RBFOX1: variants seen among roughly 807,000 people sequenced by gnomAD.
RBFOX1 encodes RNA binding fox-1 homolog 1.
Under a neutral mutation model 57.7 loss-of-function variants are expected in RBFOX1, and 8 were observed. The observed-to-expected ratio is 0.14, with a 90% CI of 0.08 to 0.25. The LOEUF (loss-of-function observed/expected upper bound fraction) is 0.25, where lower values mean the gene tolerates loss of function less well. Ranked by LOEUF, RBFOX1 falls within the 10% of genes least tolerant of loss-of-function variation. The pLI is 1.00. For synonymous variants in RBFOX1, 326 were observed against 222.4 expected, an observed-to-expected ratio of 1.47 and a Z score of -4.15; for missense variants, 611 against 548.5, an observed-to-expected ratio of 1.11 and a Z score of -1.14.
At chr16:5,569,591 A>T (rs924711100) in intron 2 of RBFOX1, among the ~76,000 whole-genome samples, 1 of 151,850 alleles carries the variant, frequency 6.6e-6, no homozygotes, top group Non-Finnish European at 1.5e-5. Flanking sequence ...TTCACAGATG[A>T]GGAAGCTGAG....
chr16:6,521,546 C>G (rs1001925207), intron 2 of RBFOX1, among the ~76,000 whole-genome samples: 2 of 145,748 alleles, frequency 1.4e-5, no homozygotes, highest in East Asian at 2.0e-4. Flanking sequence ...CTCCTCTCCT[C>G]TCCTTCCCTC....
At position 5,815,156 on chromosome 16, in the gene RBFOX1, ATTTTTTTTTT is replaced by A. The variant is rs71142650; in HGVS notation, c.319-52136_319-52127del. 1.7e-4 allele frequency among the ~76,000 whole-genome samples: 19 copies of A among 114,210 alleles called. No homozygotes were observed. The East Asian group carries it at 4.8e-3, about 29-fold the overall frequency. The allele number at this position is 114,210 out of a possible 152,430, so 74.9% of individuals were successfully genotyped here. On this transcript the variant is annotated intron_variant, in intron 3 of 19. Coordinates refer to the RBFOX1 transcript ENST00000641259. ...CACCAGGCCTGGCTAATTTAATTTAATTTTTTTTTTTTTTTTTTTTGTAGAGACAGTCTCA... is the reference window on the plus strand; with the variant it reads ...CACCAGGCCTGGCTAATTTAATTTAATTTTTTTTTTGTAGAGACAGTCTCA...
At chr16:6,697,061 T>C (rs1275060830) in intron 3 of RBFOX1, among the ~76,000 whole-genome samples, 1 of 152,198 alleles carries the variant, frequency 6.6e-6, no homozygotes, top group African/African-American at 2.4e-5. Context: ...AATGCAAAAT[T>C]ATTTATTCCT....
At chr16:5,776,874 G>C (rs1027155429) in intron 3 of RBFOX1, among the ~76,000 whole-genome samples, 1 of 152,192 alleles carries the variant, frequency 6.6e-6, no homozygotes, top group Non-Finnish European at 1.5e-5. Context: ...CATCAAACAC[G>C]GTGGCCATTT....
intron 3 of RBFOX1, among the ~76,000 whole-genome samples, chr16:6,963,445 A>G (rs915419357): frequency 8.5e-5 from 13 of 152,364 alleles, no homozygotes; most frequent in East Asian, 3.9e-4. Flanking sequence ...TGGTGACAAC[A>G]TAAGTTATCT....
chr16:7,160,498 T>G (rs986338324), intron 4 of RBFOX1, among the ~76,000 whole-genome samples: 2 of 152,174 alleles, frequency 1.3e-5, no homozygotes, highest in African/African-American at 4.8e-5. Flanking sequence ...TTTATACATA[T>G]AGATAAAAAC....
rs73512162 is a variant in RBFOX1 at position 5,332,700 on chromosome 16, A to G, written c.219+92595A>G. 7.9e-3 allele frequency among the ~76,000 whole-genome samples: 1,201 copies of G among 151,848 alleles called. 25 individuals are homozygous for G. The highest frequency in any genetic ancestry group is 0.027 in the African/African-American group (1,140 of 41,482). On this transcript the variant is annotated intron_variant, in intron 1 of 2. Coordinates refer to the RBFOX1 transcript ENST00000585867. ...TTATTTTCATTTTTCACTCCCTTAT[A>G]TCATTTGAATTTTTATTACCATGTG...
intron 2 of RBFOX1, among the ~76,000 whole-genome samples, chr16:5,518,897 T>G (rs1234455412): frequency 6.6e-6 from 1 of 152,042 alleles, no homozygotes. Context: ...TATGTTGAGG[T>G]TCTAACCCCT....
At chr16:5,492,219 C>T (rs1024844748) in intron 2 of RBFOX1, among the ~76,000 whole-genome samples, 4 of 152,228 alleles carry the variant, frequency 2.6e-5, no homozygotes, top group Non-Finnish European at 5.9e-5. Flanking sequence ...GATACAGAGG[C>T]TGTTCAGTAA....
intron 2 of RBFOX1, among the ~76,000 whole-genome samples, chr16:6,605,589 G>C (rs928394473): frequency 6.6e-5 from 10 of 152,120 alleles, no homozygotes; most frequent in African/African-American, 2.2e-4. Context: ...TTTTACTTGT[G>C]CTGCTACTTT....
intron 2 of RBFOX1, among the ~76,000 whole-genome samples, chr16:6,393,669 C>A (rs1481122758): frequency 1.3e-5 from 2 of 152,162 alleles, no homozygotes; most frequent in Admixed American, 6.5e-5. Flanking sequence ...CTCTTACTTT[C>A]TTAATACCCC....
At chr16:7,124,838 A>C (rs913829530) in intron 4 of RBFOX1, among the ~76,000 whole-genome samples, 1 of 152,004 alleles carries the variant, frequency 6.6e-6, no homozygotes, top group African/African-American at 2.4e-5. Context: ...CTACTGTATG[A>C]CTCTGATTCA....
At chr16:7,091,299 A>G (rs2060812478) in intron 4 of RBFOX1, among the ~76,000 whole-genome samples, 1 of 150,450 alleles carries the variant, frequency 6.6e-6, no homozygotes, top group Non-Finnish European at 1.5e-5. Context: ...TTGGTGTTCC[A>G]TTTATTCACT....
At chr16:6,521,746 T>C (rs537270374) in intron 2 of RBFOX1, among the ~76,000 whole-genome samples, 98 of 152,268 alleles carry the variant, frequency 6.4e-4, no homozygotes, top group South Asian at 1.9e-3. Context: ...GGACTTGACT[T>C]TAGATACGCT....
intron 3 of RBFOX1, among the ~76,000 whole-genome samples, chr16:6,923,816 A>G (rs79910291): frequency 9.9e-5 from 15 of 152,260 alleles, no homozygotes; most frequent in African/African-American, 3.6e-4. Context: ...TCTAGCCATG[A>G]AACTTCAGGC....
intron 2 of RBFOX1, among the ~76,000 whole-genome samples, chr16:6,421,856 C>G (rs2093781538): frequency 6.6e-6 from 1 of 151,328 alleles, no homozygotes; most frequent in South Asian, 2.1e-4. Context: ...TCCTCAGTCA[C>G]AAATCCCATC....
chr16:6,449,783 A>G (rs1372641260), intron 2 of RBFOX1, among the ~76,000 whole-genome samples: 1 of 152,200 alleles, frequency 6.6e-6, no homozygotes, highest in Non-Finnish European at 1.5e-5. Context: ...TTAGCAACGT[A>G]CTGCAGCCTC....
At position 6,945,475 on chromosome 16, in the gene RBFOX1, T is replaced by G. The variant is rs553527898; in HGVS notation, c.-15-106582T>G. Among the ~76,000 whole-genome samples, 1,224 of 152,334 alleles carry G rather than the reference T, an allele frequency of 8.0e-3. 8 individuals carry two copies. Among genetic ancestry groups the G allele is most frequent in the African/African-American group, 0.027 (1,139 of 41,570 alleles). On this transcript the variant is annotated intron_variant, in intron 3 of 15. Coordinates refer to ENST00000550418, the MANE Select transcript of RBFOX1 (RefSeq NM_018723.4). Reference sequence around the variant, plus strand: ...AAGAAAATATGGATATTTTGATTTTTTTTTTTGTAAAATGGGAAATCTAAT... The same window carrying G: ...AAGAAAATATGGATATTTTGATTTTGTTTTTTGTAAAATGGGAAATCTAAT...
intron 4 of RBFOX1, among the ~76,000 whole-genome samples, chr16:7,212,006 G>A (rs1363143875): frequency 6.6e-6 from 1 of 152,032 alleles, no homozygotes; most frequent in African/African-American, 2.4e-5. Flanking sequence ...CAAATAACCT[G>A]CCTTGCCTGG....
Sources: allele counts gnomAD v4.1 joint callset (sites outside exome capture counted in the v4.1 genomes callset), GRCh38; gene constraint gnomAD v4.1.1; transcripts MANE v1.5; gene names NCBI Gene and HGNC (gene_info 2026-07-23, HGNC 2026-07-21).